The following NRIP1 variants were observed in gnomAD, a reference collection of about 807,000 sequenced individuals.
The protein encoded by NRIP1 is nuclear receptor-interacting protein 1.
NRIP1 carries 28 observed loss-of-function variants against 75.0 expected under a neutral mutation model. The observed-to-expected ratio is 0.37, with a 90% confidence interval of 0.28 to 0.51. The LOEUF is 0.51. Among genes scored for constraint, NRIP1 ranks in the 20% least tolerant of loss-of-function variants. NRIP1 has a pLI of 0.92. For synonymous variants in NRIP1, 526 were observed against 487.6 expected (o/e 1.08, Z -1.04); for missense variants, 1,435 against 1,343.7 (o/e 1.07, Z -1.06).
At chr21:15,034,925 A>G (rs1276161862) in intron 2 of NRIP1, among the ~76,000 whole-genome samples, 2 of 152,220 alleles carry the variant, frequency 1.3e-5, no homozygotes, top group East Asian at 3.8e-4. Flanking sequence ...AATTAACAAT[A>G]TTGTCCATAA....
intron 3 of NRIP1, chr21:14,971,612 A>C (rs1393805116): frequency 1.3e-5 from 2 of 152,188 alleles, no homozygotes; most frequent in Non-Finnish European, 2.9e-5. Flanking sequence ...TCTAATAATA[A>C]AAATATCTTC....
Position 14,978,827 on chromosome 21 carries a change from T to G in NRIP1, c.-334-10301A>C, listed in dbSNP as rs1332243906. On this transcript the variant is annotated intron_variant, in intron 3 of 3. Transcript: ENST00000318948. ...ATTAAGATGAAAAAGTTGGAGATTT[T>G]AAGTTAAAAATCAAAGATCTAGACA... Among the ~76,000 whole-genome samples the G allele has an allele frequency of 2.0e-5, 3 of 152,332 alleles. No homozygotes were observed. The East Asian group carries it at 5.8e-4, about 29-fold the overall frequency.
intron 2 of NRIP1, 61 bp from the exon 3 acceptor site, chr21:15,014,527 T>C: frequency 2.5e-6 from 1 of 398,304 alleles, no homozygotes; most frequent in East Asian, 3.6e-5. Flanking sequence ...GAATACCTTT[T>C]GATCAAGTTC....
At chr21:15,041,321 T>C (rs529584392) in intron 2 of NRIP1, among the ~76,000 whole-genome samples, 25 of 152,272 alleles carry the variant, frequency 1.6e-4, no homozygotes, top group African/African-American at 5.5e-4. Flanking sequence ...AGACTATTCC[T>C]GTTAGGTAGA....
chr21:15,034,196 A>C (rs1409672409), intron 2 of NRIP1, among the ~76,000 whole-genome samples: 1 of 152,218 alleles, frequency 6.6e-6, no homozygotes, highest in Non-Finnish European at 1.5e-5. Flanking sequence ...AAAGCTGAGG[A>C]AATGTTGGTA....
intron 3 of NRIP1, among the ~76,000 whole-genome samples, chr21:14,986,375 C>T (rs759483295): frequency 5.9e-5 from 9 of 152,302 alleles, no homozygotes; most frequent in Non-Finnish European, 8.8e-5. Flanking sequence ...TGATGCAAGA[C>T]GACTCACGTG....
rs369678361 is a variant in NRIP1, at chr21:14,991,453, T to G, written c.-335+22891A>C. ...GGCTTCAGTTATTTTACCTCCTTATTTTAAAGGCCTTTTTGAGAATGTTGT... is the reference window on the plus strand; with the variant it reads ...GGCTTCAGTTATTTTACCTCCTTATGTTAAAGGCCTTTTTGAGAATGTTGT... On this transcript the variant is annotated intron_variant, in intron 3 of 3. Transcript: ENST00000318948. 5 of 152,130 alleles carry G rather than the reference T, an allele frequency of 3.3e-5. No homozygotes were observed. The East Asian group carries it at 5.8e-4, about 18-fold the overall frequency. The allele number at this position is 152,130 out of a possible 1,614,324, so 9.4% of individuals were successfully genotyped here.
intron 1 of NRIP1, among the ~76,000 whole-genome samples, chr21:15,057,807 T>C (rs199807509): frequency 1.3e-5 from 2 of 152,330 alleles, no homozygotes; most frequent in East Asian, 3.9e-4. Context: ...AAATGATACC[T>C]ACATGTCACA....
At chr21:15,036,166 A>G (rs2088828606) in intron 2 of NRIP1, among the ~76,000 whole-genome samples, 1 of 152,170 alleles carries the variant, frequency 6.6e-6, no homozygotes, top group Non-Finnish European at 1.5e-5. Context: ...TTTAACCTAC[A>G]CTGGAAAAAA....
intron 3 of NRIP1, among the ~76,000 whole-genome samples, chr21:14,984,102 G>A (rs960176721): frequency 1.3e-5 from 2 of 152,152 alleles, no homozygotes; most frequent in African/African-American, 2.4e-5. Context: ...TGATTCCTCT[G>A]ATTGGATCTG....
At chr21:15,013,734 C>G (rs2088163561) in intron 3 of NRIP1, among the ~76,000 whole-genome samples, 1 of 152,156 alleles carries the variant, frequency 6.6e-6, no homozygotes, top group Non-Finnish European at 1.5e-5. Flanking sequence ...CTCTGCCCAC[C>G]TACTTGTGTT....
chr21:15,018,424 A>G (rs2088287815), intron 2 of NRIP1, among the ~76,000 whole-genome samples: 1 of 152,170 alleles, frequency 6.6e-6, no homozygotes, highest in Non-Finnish European at 1.5e-5. Flanking sequence ...GTAGAGAGGA[A>G]GCTATTTTAC....
chr21:14,995,330 T>G (rs2087691966), intron 3 of NRIP1, among the ~76,000 whole-genome samples: 1 of 152,194 alleles, frequency 6.6e-6, no homozygotes, highest in Non-Finnish European at 1.5e-5. Context: ...CTGCAGAGAA[T>G]AGTTGGGAAG....
rs139966877 is a variant in NRIP1, at chr21:14,988,704, C to G, written c.-334-20178G>C. ...CTTACCTAAACCTTTTTCTTAAGAA[C>G]CTATACCCAAACCACAGACCTCAGG... On this transcript the variant is annotated intron_variant, in intron 3 of 3. Transcript: ENST00000318948. Among the ~76,000 whole-genome samples, 584 of 152,026 alleles carry G rather than the reference C, an allele frequency of 3.8e-3. 3 individuals are homozygous for G. Among genetic ancestry groups the G allele is most frequent in the Admixed American group, 6.9e-3 (105 of 15,260 alleles).
At chr21:15,065,758 C>A (rs2223042), upstream of NRIP1, 16,028 of 152,296 alleles carry the variant, frequency 0.11, 1,065 homozygotes, top group East Asian at 0.31. Flanking sequence ...CCTGGACAGA[C>A]GTAGGACCCA....
At chr21:15,024,249 C>CA in intron 2 of NRIP1, among the ~76,000 whole-genome samples, 1 of 152,160 alleles carries the variant, frequency 6.6e-6, no homozygotes, top group South Asian at 2.1e-4. Flanking sequence ...AATACACTGC[C>CA]AAAAACATTG....
chr21:15,035,915 TA>T (rs1306046489), intron 2 of NRIP1, among the ~76,000 whole-genome samples: 6 of 152,182 alleles, frequency 3.9e-5, no homozygotes, highest in Non-Finnish European at 7.4e-5. Context: ...AGTATTTAAA[TA>T]ATACAATAAT....
intron 1 of NRIP1, among the ~76,000 whole-genome samples, chr21:15,049,197 G>C (rs1296911752): frequency 6.6e-6 from 1 of 152,022 alleles, no homozygotes. Context: ...TATAGTTTTA[G>C]GAAAAGAATT....
chr21:15,029,907 A>G (rs1383686101), intron 2 of NRIP1, among the ~76,000 whole-genome samples: 3 of 152,226 alleles, frequency 2.0e-5, no homozygotes, highest in Admixed American at 6.5e-5. Context: ...CAAAACTCAT[A>G]TCCTCACCAG....
Sources: allele counts gnomAD v4.1 joint callset (sites outside exome capture counted in the v4.1 genomes callset), GRCh38; gene constraint gnomAD v4.1.1; transcripts MANE v1.5; gene names NCBI Gene and HGNC (gene_info 2026-07-23, HGNC 2026-07-21).